The following LRP5 variants were observed in gnomAD, a reference collection of about 807,000 sequenced individuals.
LRP5 encodes low-density lipoprotein receptor-related protein 5.
LRP5 carries 62 observed loss-of-function variants against 154.1 expected under a neutral mutation model. The ratio of observed to expected loss-of-function variants is 0.40; its 90% CI spans 0.33 to 0.50. The LOEUF (loss-of-function observed/expected upper bound fraction) is 0.50, where lower values mean the gene tolerates loss of function less well. LRP5 is among the 20% of genes least tolerant of loss of function. The pLI is 0.55. For missense variants in LRP5, 1,915 were observed against 2,336.7 expected (o/e 0.82, Z 3.72); for synonymous variants, 966 against 1,011.5 (o/e 0.96, Z 0.85).
chr11:68,372,502 C>CCGTGGCGGCAAGGAGG (rs1565353676), intron 5 of LRP5, among the ~76,000 whole-genome samples: 1 of 151,896 alleles, frequency 6.6e-6, no homozygotes, highest in Non-Finnish European at 1.5e-5. Flanking sequence ...AGACCGGGGA[C>CCGTGGCGGCAAGGAGG]TTGGAGCACC....
chr11:68,380,591 G>A (rs546801921), intron 5 of LRP5, among the ~76,000 whole-genome samples: 3 of 152,298 alleles, frequency 2.0e-5, no homozygotes, highest in Admixed American at 1.3e-4. Context: ...TTTTGTGGTC[G>A]GGATCTGCTG....
chr11:68,369,465 T>C (rs1308716046), intron 5 of LRP5, among the ~76,000 whole-genome samples: 1 of 152,002 alleles, frequency 6.6e-6, no homozygotes, highest in African/African-American at 2.4e-5. Flanking sequence ...TGGACATTTG[T>C]CGAAGGAGTG....
Position 68,423,547 on chromosome 11 carries a change from T to G in LRP5, c.3086T>G (p.Leu1029Arg). The G allele has an allele frequency of 6.2e-7, 1 of 1,614,200 alleles. No individual in the cohort carries two copies. Among genetic ancestry groups the G allele is most frequent in the Non-Finnish European group, 8.5e-7 (1 of 1,180,016 alleles). Residue 1029 changes from leucine (L) to arginine (R), a missense_variant, in exon 14 of 23, where the codon CTC (leucine) becomes CGC (arginine). Leu to Arg is a moderately radical substitution (Grantham distance 102, BLOSUM62 -2). Transcript: ENST00000294304. The surrounding 1 kb of genome is among the most constrained non-coding windows in gnomAD (Gnocchi z 4.7). ...GQNPDRQPHD[L>R]SIDIYSRTLF... ...AACCCAGACAGGCAGCCCCACGACC[T>G]CAGCATCGACATCTACAGCCGGACA...
chr11:68,372,174 A>G (rs1298764435), intron 5 of LRP5, among the ~76,000 whole-genome samples: 1 of 152,036 alleles, frequency 6.6e-6, no homozygotes, highest in Non-Finnish European at 1.5e-5. Context: ...GAGCCGGCCA[A>G]GGAGTGGTGT....
intron 5 of LRP5, among the ~76,000 whole-genome samples, chr11:68,382,951 C>T (rs1307359932): frequency 6.6e-6 from 1 of 151,980 alleles, no homozygotes; most frequent in Non-Finnish European, 1.5e-5. Context: ...GATCTCAGCT[C>T]ATTGCAACCT....
In LRP5 at chr11:68,363,856, C is replaced by T. The variant is rs368484557; in HGVS notation, c.796C>T (p.Arg266Cys). The T allele has an allele frequency of 1.1e-4, 173 of 1,613,008 alleles. No homozygotes were observed. Among genetic ancestry groups the T allele is most frequent in the Non-Finnish European group, 1.4e-4 (162 of 1,179,854 alleles). Residue 266 changes from arginine (R) to cysteine (C), a missense_variant, in exon 4 of 23, where the codon CGC (arginine) becomes TGC (cysteine). This residue lies in a region of LRP5 where 773 missense variants were observed against 1,100.9 expected (regional missense o/e 0.70). Coordinates refer to ENST00000294304, the MANE Select transcript of LRP5 (RefSeq NM_002335.4). ...CCGCTCCATCCATGCCTGCAACAAG[C>T]GCACTGGGGGGAAGAGGAAGGAGAT... ...QTRSIHACNK[R>C]TGGKRKEILS...
At chr11:68,350,002 C>G (rs943939885) in intron 2 of LRP5, among the ~76,000 whole-genome samples, 6 of 152,158 alleles carry the variant, frequency 3.9e-5, no homozygotes, top group African/African-American at 1.4e-4. Context: ...AAGCCCTTTG[C>G]CTGTTAGTTC....
chr11:68,443,588 T>A (rs1280063340), intron 21 of LRP5, among the ~76,000 whole-genome samples: 35 of 25,892 alleles, frequency 1.4e-3, no homozygotes, highest in Admixed American at 3.5e-3. Flanking sequence ...TATATATATT[T>A]TTTTTTTTTT....
upstream of LRP5, among the ~76,000 whole-genome samples, chr11:68,308,843 G>C (rs1319087276): frequency 6.6e-6 from 1 of 151,212 alleles, no homozygotes; most frequent in Non-Finnish European, 1.5e-5. Context: ...CTGCCTCCCG[G>C]GTTCAAGTGA....
Position 68,414,031 on chromosome 11 carries a change from C to T in LRP5, c.2827+19C>T, listed in dbSNP as rs562820679. 4 of 1,598,418 alleles carry T rather than the reference C, an allele frequency of 2.5e-6. No individual in the cohort carries two copies. The South Asian group carries it at 3.3e-5, about 13-fold the overall frequency. ...TGCAGCCGTAAGTGCCTCATGGTCC[C>T]CCGCACCTCACTCCCTCGTTAGATC... On this transcript the variant is annotated intron_variant, in intron 12 of 22. Transcript: ENST00000294304.
intron 10 of LRP5, among the ~76,000 whole-genome samples, chr11:68,410,851 C>T (rs1344799156): frequency 1.3e-5 from 2 of 152,174 alleles, no homozygotes; most frequent in Non-Finnish European, 2.9e-5. Context: ...GCCTGTTCTG[C>T]TAGGGAAGGA....
chr11:68,433,818 C>T lies in LRP5; in HGVS notation c.3980C>T (p.Ser1327Leu). 6.2e-7 allele frequency: 1 copy of T among 1,612,554 alleles called. No homozygotes were observed. Among genetic ancestry groups the T allele is most frequent in the South Asian group, 1.1e-5 (1 of 91,040 alleles). Residue 1327 changes from serine to leucine, a missense_variant, in exon 18 of 23, where the codon TCA (serine) becomes TTA (leucine). Coordinates refer to ENST00000294304, the MANE Select transcript of LRP5 (RefSeq NM_002335.4). ...GGCGAGGCAGACTGTCAGGACCGCT[C>T]AGACGAGGCGGACTGTGACGGTGAG... ...CDGEADCQDR[S>L]DEADCDAICL...
intron 12 of LRP5, among the ~76,000 whole-genome samples, chr11:68,414,592 G>A (rs2098661459): frequency 6.6e-6 from 1 of 152,210 alleles, no homozygotes; most frequent in Admixed American, 6.5e-5. Context: ...TCAGTGATGA[G>A]AAGAGTGACT....
At chr11:68,338,867 G>GTTTTTTTTTTTTTTTTTT (rs11382677) in intron 1 of LRP5, among the ~76,000 whole-genome samples, 1 of 91,940 alleles carries the variant, frequency 1.1e-5, no homozygotes, top group Non-Finnish European at 1.9e-5. Context: ...CTTTTGTTTA[G>GTTTTTTTTTTTTTTTTTT]TTTTTTTTTT....
At chr11:68,347,221 C>A (rs2098613810) in intron 1 of LRP5, among the ~76,000 whole-genome samples, 1 of 152,134 alleles carries the variant, frequency 6.6e-6, no homozygotes, top group East Asian at 1.9e-4. Flanking sequence ...CCAGAGTGAC[C>A]CTTTAAATGT....
chr11:68,320,457 C>CTT (rs554377386), intron 1 of LRP5, among the ~76,000 whole-genome samples: 35 of 139,582 alleles, frequency 2.5e-4, no homozygotes, highest in Non-Finnish European at 3.1e-4. Flanking sequence ...TCTTCTTCTT[C>CTT]TTTTTTTTTT....
chr11:68,354,778 C>T (rs2153134240), intron 2 of LRP5, among the ~76,000 whole-genome samples: 1 of 152,360 alleles, frequency 6.6e-6, no homozygotes, highest in East Asian at 1.9e-4. Flanking sequence ...CCTTTCGGGG[C>T]CTCAGTTTTC....
intron 1 of LRP5, among the ~76,000 whole-genome samples, chr11:68,322,087 C>G (rs1391342101): frequency 6.6e-6 from 1 of 152,234 alleles, no homozygotes; most frequent in Non-Finnish European, 1.5e-5. Context: ...TCCAAACTTT[C>G]CCCCAGAGCG....
intron 7 of LRP5, among the ~76,000 whole-genome samples, chr11:68,394,122 C>G (rs115287597): frequency 1.3e-5 from 2 of 152,132 alleles, no homozygotes; most frequent in East Asian, 3.9e-4. Context: ...ATGAGAACAC[C>G]GAAGCTCAAA....
Sources: allele counts gnomAD v4.1 joint callset (sites outside exome capture counted in the v4.1 genomes callset), GRCh38; gene constraint gnomAD v4.1.1; regional missense constraint gnomAD v4.1.1; non-coding constraint Gnocchi (gnomAD v3.1); transcripts MANE v1.5; gene names NCBI Gene and HGNC (gene_info 2026-07-23, HGNC 2026-07-21).